CCDC88A: variants seen among roughly 807,000 people sequenced by gnomAD.
CCDC88A encodes the protein girdin.
CCDC88A carries 54 observed loss-of-function variants against 234.3 expected under a neutral mutation model. The ratio of observed to expected loss-of-function variants is 0.23; its 90% CI spans 0.19 to 0.29. CCDC88A has a LOEUF of 0.29. CCDC88A is among the 10% of genes least tolerant of loss of function. The probability of loss-of-function intolerance (pLI) is 1.00; values close to 1 mark genes in which losing one functional copy is unlikely to be tolerated. For synonymous variants in CCDC88A, 753 were observed against 737.8 expected, an observed-to-expected ratio of 1.02 and a Z score of -0.33; for missense variants, 1,832 against 2,123.4, an observed-to-expected ratio of 0.86 and a Z score of 2.70.
intron 3 of CCDC88A, among the ~76,000 whole-genome samples, chr2:55,380,115 C>T (rs1222844511): frequency 6.9e-6 from 1 of 144,512 alleles, no homozygotes; most frequent in African/African-American, 2.6e-5. Flanking sequence ...ACACACCTGT[C>T]ATCCCAGCTA....
At chr2:55,395,735 C>CT (rs1054424077) in intron 2 of CCDC88A, among the ~76,000 whole-genome samples, 2 of 152,060 alleles carry the variant, frequency 1.3e-5, no homozygotes, top group African/African-American at 4.8e-5. Flanking sequence ...AATCAGTTGA[C>CT]TAATAGAGTC....
rs1668235031 is a variant in CCDC88A, at chr2:55,339,667, C to T, written c.1334-19G>A. 1 of 1,583,830 alleles carries T rather than the reference C, an allele frequency of 6.3e-7. No individual in the cohort carries two copies. Among genetic ancestry groups the T allele is most frequent in the Non-Finnish European group, 8.6e-7 (1 of 1,169,030 alleles). ...TGGGGTGCTATAATATTGAAAAATACACCATTGTATTTACTCTTTACTGTT... is the reference window on the plus strand; with the variant it reads ...TGGGGTGCTATAATATTGAAAAATATACCATTGTATTTACTCTTTACTGTT... On this transcript the variant is annotated intron_variant, in intron 12 of 32. Transcript: ENST00000436346.
At chr2:55,382,453 T>TA (rs889918126) in intron 3 of CCDC88A, among the ~76,000 whole-genome samples, 1 of 152,180 alleles carries the variant, frequency 6.6e-6, no homozygotes, top group African/African-American at 2.4e-5. Flanking sequence ...ATTTAATACT[T>TA]ATTCAAACTG....
chr2:55,414,918 T>A (rs1681102948), intron 2 of CCDC88A, among the ~76,000 whole-genome samples: 1 of 151,468 alleles, frequency 6.6e-6, no homozygotes, highest in East Asian at 1.9e-4. Context: ...ATACAAAAAA[T>A]TAGCCAGGCG....
intron 17 of CCDC88A, among the ~76,000 whole-genome samples, chr2:55,325,069 T>A (rs1684098166): frequency 6.6e-6 from 1 of 152,242 alleles, no homozygotes; most frequent in Non-Finnish European, 1.5e-5. Context: ...TTGATCAATA[T>A]TTCCATATAA....
At position 55,336,830 on chromosome 2, in the gene CCDC88A, T is replaced by C; in HGVS notation, c.1519-12A>G. 1 of 1,525,958 alleles carries C rather than the reference T, an allele frequency of 6.6e-7. No homozygotes were observed. The highest frequency in any genetic ancestry group is 9.0e-7 in the Non-Finnish European group (1 of 1,115,576). 94.5% of individuals were successfully genotyped at this position (1,525,958 alleles called of 1,614,324 possible). ...TCAAGAATCTCAACCTAGAGAAAAT[T>C]AAATCACAAAACAATACGTTAAATA... is the stretch of plus-strand genomic sequence containing the variant. On this transcript the variant is annotated splice_polypyrimidine_tract_variant and intron_variant, in intron 13 of 32. Transcript: ENST00000436346.
At chr2:55,296,630 T>G (rs1680060271) in intron 29 of CCDC88A, 107 bp from the exon 30 acceptor site, 1 of 1,070,634 alleles carries the variant, frequency 9.3e-7, no homozygotes, top group Non-Finnish European at 1.4e-6. Context: ...ACAGCCAAAT[T>G]TACTTTCAAG....
intron 18 of CCDC88A, among the ~76,000 whole-genome samples, chr2:55,320,062 G>A (rs1683434811): frequency 6.6e-6 from 1 of 151,972 alleles, no homozygotes; most frequent in Non-Finnish European, 1.5e-5. Flanking sequence ...TGAAGCTGAG[G>A]AAACAAATGC....
At chr2:55,417,557 G>GA (rs1681696115) in intron 2 of CCDC88A, 2 of 151,452 alleles carry the variant, frequency 1.3e-5, no homozygotes, top group African/African-American at 4.8e-5. Flanking sequence ...CTTTCTTAAG[G>GA]AAAAAAATAA....
chr2:55,328,273 C>G lies in CCDC88A; in HGVS notation c.2997+21G>C, dbSNP rs766437279. ...TATATAATAAATGATCCTTAAAATT[C>G]TTTCCAAGAAAATCACTTACTGTTT... is the stretch of plus-strand genomic sequence containing the variant. On this transcript the variant is annotated intron_variant, in intron 17 of 32. Transcript: ENST00000436346. The surrounding 1 kb of genome is among the most constrained non-coding windows in gnomAD (Gnocchi z 4.3). The G allele has an allele frequency of 6.5e-7, 1 of 1,530,288 alleles. No homozygotes were observed. Among genetic ancestry groups the G allele is most frequent in the Non-Finnish European group, 8.8e-7 (1 of 1,136,024 alleles). 94.8% of individuals were successfully genotyped at this position (1,530,288 alleles called of 1,614,324 possible). A position where few individuals can be genotyped will look rare whatever the true frequency, so the allele number is the denominator to read the frequency against.
At chr2:55,355,957 GATA>G in intron 7 of CCDC88A, 1 of 387,578 alleles carries the variant, frequency 2.6e-6, no homozygotes, top group East Asian at 4.0e-5. Flanking sequence ...CACTTAACAA[GATA>G]ATAATGCTTT....
chr2:55,391,101 G>A (rs72927388), intron 2 of CCDC88A, among the ~76,000 whole-genome samples: 6,314 of 152,274 alleles, frequency 0.041, 419 homozygotes, highest in African/African-American at 0.14. Context: ...ACAATTCTCA[G>A]AGCTCACAAT....
intron 17 of CCDC88A, among the ~76,000 whole-genome samples, chr2:55,325,815 A>AGTTT (rs2104656312): frequency 6.6e-6 from 1 of 152,346 alleles, no homozygotes; most frequent in Admixed American, 6.5e-5. Context: ...TATTAGGTGC[A>AGTTT]TAAACATTTA....
intron 2 of CCDC88A, among the ~76,000 whole-genome samples, chr2:55,409,549 A>C (rs1399022808): frequency 6.6e-6 from 1 of 152,136 alleles, no homozygotes; most frequent in Non-Finnish European, 1.5e-5. Context: ...TTACACAGTA[A>C]GTACTTAGAA....
chr2:55,368,832 TAGAG>T (rs1286458931), intron 5 of CCDC88A, among the ~76,000 whole-genome samples: 5 of 152,192 alleles, frequency 3.3e-5, no homozygotes, highest in Non-Finnish European at 5.9e-5. Context: ...TTTTCTGAAA[TAGAG>T]AGGACATTTT....
In CCDC88A at chr2:55,355,429, A is replaced by G. The variant is rs1455683606; in HGVS notation, c.800+150T>C. On this transcript the variant is annotated intron_variant, in intron 8 of 32. Transcript: ENST00000436346. The stretch of plus-strand genomic sequence containing the variant: ...CTTTAAACTGTTAAGATTTAACAAT[A>G]GGAAAACCTTATGCCAACCTCCTTA... 4.5e-6 allele frequency: 3 copies of G among 659,608 alleles called. No homozygotes were observed. In the Admixed American group the frequency reaches 8.3e-5, roughly 18 times the overall value. 40.9% of individuals were successfully genotyped at this position (659,608 alleles called of 1,614,324 possible). A position where few individuals can be genotyped will look rare whatever the true frequency, so the allele number is the denominator to read the frequency against.
chr2:55,375,131 C>T (rs1247153358), intron 3 of CCDC88A, among the ~76,000 whole-genome samples: 1 of 151,968 alleles, frequency 6.6e-6, no homozygotes. Flanking sequence ...TGCCTGTAAT[C>T]CTAGCACTTT....
At chr2:55,384,570 CGT>C (rs1558788125) in intron 3 of CCDC88A, among the ~76,000 whole-genome samples, 5 of 90,392 alleles carry the variant, frequency 5.5e-5, no homozygotes, top group Middle Eastern at 7.0e-3. Flanking sequence ...CACATATATA[CGT>C]ATATATGTGT....
rs192906977 is a variant in CCDC88A, at chr2:55,388,476, A to C, written c.273+302T>G. 2.0e-4 allele frequency: 33 copies of C among 165,458 alleles called. No individual in the cohort carries two copies. In the East Asian group the frequency reaches 4.8e-3, roughly 24 times the overall value. 10.2% of individuals were successfully genotyped at this position (165,458 alleles called of 1,614,324 possible). A position where few individuals can be genotyped will look rare whatever the true frequency, so the allele number is the denominator to read the frequency against. ...AAAAAAATGGAAGTACACTTTTCAAAGGCATAATTCAAGAAGTCTAACAAC... is the reference window on the plus strand; with the variant it reads ...AAAAAAATGGAAGTACACTTTTCAACGGCATAATTCAAGAAGTCTAACAAC... On this transcript the variant is annotated intron_variant, in intron 3 of 32. Transcript: ENST00000436346.
Sources: gnomAD v4.1 joint callset for allele counts (sites outside exome capture counted in the v4.1 genomes callset) on GRCh38, gnomAD v4.1.1 for gene constraint, Gnocchi (gnomAD v3.1) non-coding constraint, MANE v1.5 for transcripts, NCBI Gene and HGNC (gene_info 2026-07-23, HGNC 2026-07-21) for gene names.